C2orf76: variants seen among roughly 807,000 people sequenced by gnomAD.
C2orf76 encodes UPF0538 protein C2orf76.
In C2orf76, 23 loss-of-function variants were observed where a neutral mutation model predicts 16.9. That is an observed-to-expected ratio of 1.36 (90% CI 0.98 to 1.93). The LOEUF (loss-of-function observed/expected upper bound fraction) is 1.93. Ranked by LOEUF, C2orf76 falls within the 30% of genes most tolerant of loss-of-function variation. The pLI, the probability that C2orf76 is intolerant of heterozygous loss-of-function variation, is 0.00. For synonymous variants in C2orf76, 48 were observed against 52.3 expected, an observed-to-expected ratio of 0.92 and a Z score of 0.35; for missense variants, 152 against 152.6, an observed-to-expected ratio of 1.00 and a Z score of 0.02.
the C2orf76 span, among the ~76,000 whole-genome samples, chr2:119,284,304 C>T: frequency 6.6e-6 from 1 of 152,126 alleles, no homozygotes; most frequent in Non-Finnish European, 1.5e-5. Flanking sequence ...GCCGACACCC[C>T]AATATTCAAT....
chr2:119,296,054 G>A, the C2orf76 span, among the ~76,000 whole-genome samples: 2 of 152,188 alleles, frequency 1.3e-5, no homozygotes, highest in Admixed American at 6.5e-5. Context: ...GTGGTCTCAG[G>A]TCTGATTCAT....
chr2:119,340,067 C>A (rs1679978024), intron 1 of C2orf76, 96 bp from the exon 2 acceptor site: 2 of 1,339,780 alleles, frequency 1.5e-6, no homozygotes, highest in East Asian at 2.3e-5. Context: ...TGGCACCAGC[C>A]CCGCTCTTCC....
chr2:119,355,779 C>T (rs1005580684), intron 1 of C2orf76, among the ~76,000 whole-genome samples: 1 of 152,144 alleles, frequency 6.6e-6, no homozygotes, highest in Non-Finnish European at 1.5e-5. Context: ...TCCATGAAAC[C>T]GGTCCCTGGT....
rs141239716 is a variant in C2orf76, at chr2:119,332,676, G to T, written c.133+7151C>A. 8.5e-5 allele frequency among the ~76,000 whole-genome samples: 13 copies of T among 152,228 alleles called. No individual in the cohort carries two copies. In the East Asian group the frequency reaches 2.5e-3, roughly 29 times the overall value. ...CTGCCATCCCTAGGTTAGCACACCCGCTCTGTTGTTTTACTCTCGTTCCAA... is the reference window on the plus strand; with the variant it reads ...CTGCCATCCCTAGGTTAGCACACCCTCTCTGTTGTTTTACTCTCGTTCCAA... On this transcript the variant is annotated intron_variant, in intron 2 of 5. Coordinates refer to ENST00000334816, the MANE Select transcript of C2orf76 (RefSeq NM_001322331.2).
At chr2:119,366,249 G>A (rs368164262) in intron 1 of C2orf76, 174 of 373,618 alleles carry the variant, frequency 4.7e-4, no homozygotes, top group African/African-American at 3.2e-3. Flanking sequence ...TTACCCAACA[G>A]GAGTTCAATA....
At position 119,331,929 on chromosome 2, in the gene C2orf76, T is replaced by G. The variant is rs116351783; in HGVS notation, c.133+7898A>C. On this transcript the variant is annotated intron_variant, in intron 2 of 5. Transcript: ENST00000334816. ...CTTTGAACTTAAGACTTCAGAATGTTGCAAAAACTAATTTAATATTTCATT... is the reference window on the plus strand; with the variant it reads ...CTTTGAACTTAAGACTTCAGAATGTGGCAAAAACTAATTTAATATTTCATT... Among the ~76,000 whole-genome samples the G allele has an allele frequency of 4.0e-3, 613 of 152,246 alleles. 4 individuals are homozygous for G. Among genetic ancestry groups the G allele is most frequent in the African/African-American group, 0.011 (465 of 41,556 alleles).
intron 1 of C2orf76, among the ~76,000 whole-genome samples, chr2:119,357,670 G>T (rs533618581): frequency 2.4e-4 from 36 of 151,134 alleles, no homozygotes; most frequent in Non-Finnish European, 4.6e-4. Flanking sequence ...CTAAGATCAG[G>T]AACAAGGAAA....
chr2:119,310,685 A>G (rs574666389), intron 5 of C2orf76, among the ~76,000 whole-genome samples: 1 of 152,308 alleles, frequency 6.6e-6, no homozygotes, highest in South Asian at 2.1e-4. Flanking sequence ...CAGTCTGGCC[A>G]ATATAGTGAA....
At chr2:119,326,398 C>T (rs563702131) in intron 2 of C2orf76, among the ~76,000 whole-genome samples, 8 of 152,102 alleles carry the variant, frequency 5.3e-5, no homozygotes, top group African/African-American at 9.6e-5. Context: ...CTCTGGACTC[C>T]GCTTCCATTA....
intron 5 of C2orf76, among the ~76,000 whole-genome samples, chr2:119,305,296 GACAC>G (rs149520597): frequency 2.0e-5 from 3 of 150,500 alleles, no homozygotes; most frequent in Admixed American, 1.3e-4. Flanking sequence ...AGACAGACAA[GACAC>G]ACACACACAC....
chr2:119,352,799 T>C (rs999376599), intron 1 of C2orf76, among the ~76,000 whole-genome samples: 8 of 152,262 alleles, frequency 5.3e-5, no homozygotes, highest in Non-Finnish European at 1.0e-4. Flanking sequence ...AGACAGGTTA[T>C]ATATATAGAG....
intron 1 of C2orf76, among the ~76,000 whole-genome samples, chr2:119,358,760 G>A (rs1481466946): frequency 6.6e-6 from 1 of 152,102 alleles, no homozygotes; most frequent in Non-Finnish European, 1.5e-5. Context: ...TATAAGAAGA[G>A]TGAAGCTAGC....
intron 2 of C2orf76, among the ~76,000 whole-genome samples, chr2:119,329,766 C>T (rs73948654): frequency 1.1e-3 from 163 of 152,190 alleles, no homozygotes; most frequent in African/African-American, 3.8e-3. Context: ...CCTCTGCTGG[C>T]CTTTGTGCTA....
chr2:119,287,512 T>A, the C2orf76 span, among the ~76,000 whole-genome samples: 2 of 139,882 alleles, frequency 1.4e-5, no homozygotes, highest in South Asian at 2.2e-4. Flanking sequence ...GCAGGGCTAA[T>A]AACATGTTTT....
intron 1 of C2orf76, among the ~76,000 whole-genome samples, chr2:119,344,111 C>T (rs530564402): frequency 6.6e-6 from 1 of 152,272 alleles, no homozygotes; most frequent in South Asian, 2.1e-4. Context: ...ATTTAAAACC[C>T]CAAAATTTGT....
At chr2:119,319,858 G>A (rs889057126) in intron 3 of C2orf76, among the ~76,000 whole-genome samples, 4 of 152,140 alleles carry the variant, frequency 2.6e-5, no homozygotes, top group Admixed American at 2.6e-4. Flanking sequence ...GGCAGTCCCG[G>A]ATGACAATGA....
the C2orf76 span, among the ~76,000 whole-genome samples, chr2:119,295,021 T>C: frequency 1.3e-5 from 2 of 151,942 alleles, no homozygotes; most frequent in African/African-American, 4.8e-5. Context: ...AAATGGAAAG[T>C]CAGGAGACAG....
At chr2:119,317,862 A>G (rs1469016895) in intron 3 of C2orf76, among the ~76,000 whole-genome samples, 1 of 152,208 alleles carries the variant, frequency 6.6e-6, no homozygotes, top group Non-Finnish European at 1.5e-5. Flanking sequence ...TGTAAAAAAA[A>G]AAGTCTTAAA....
chr2:119,353,570 T>C (rs1249418041), intron 1 of C2orf76, among the ~76,000 whole-genome samples: 3 of 150,424 alleles, frequency 2.0e-5, no homozygotes, highest in Non-Finnish European at 3.0e-5. Context: ...TTTTTTTTTT[T>C]TTTTGAGAGT....
Sources: gnomAD v4.1 joint callset for allele counts (sites outside exome capture counted in the v4.1 genomes callset) on GRCh38, gnomAD v4.1.1 for gene constraint, MANE v1.5 for transcripts, NCBI Gene and HGNC (gene_info 2026-07-23, HGNC 2026-07-21) for gene names.